LANCL3: variants seen among roughly 807,000 people sequenced by gnomAD.
LANCL3 encodes lanC-like protein 3.
Under a neutral mutation model 26.5 loss-of-function variants are expected in LANCL3, and 19 were observed. The ratio of observed to expected loss-of-function variants is 0.72; its 90% CI spans 0.50 to 1.05. The LOEUF (loss-of-function observed/expected upper bound fraction) is 1.05, where lower values mean the gene tolerates loss of function less well. Among genes scored for constraint, LANCL3 ranks in the 50% least tolerant of loss-of-function variants. The probability of loss-of-function intolerance (pLI) is 0.00; values close to 1 mark genes in which losing one functional copy is unlikely to be tolerated. For missense variants in LANCL3, 318 were observed against 362.7 expected, an observed-to-expected ratio of 0.88 and a Z score of 1.00; for synonymous variants, 160 against 166.6, an observed-to-expected ratio of 0.96 and a Z score of 0.30.
At chrX:37,575,600 G>T (rs193152662) in intron 1 of LANCL3, among the ~76,000 whole-genome samples, 21 of 112,164 alleles carry the variant, frequency 1.9e-4, no homozygotes, top group African/African-American at 6.5e-4. Flanking sequence ...ATGAATTATA[G>T]TTTCTTCCAA....
chrX:37,640,696 T>C, intron 1 of LANCL3, among the ~76,000 whole-genome samples: 1 of 111,895 alleles, frequency 8.9e-6, no homozygotes, highest in East Asian at 2.8e-4. Flanking sequence ...CAGTTGCTCA[T>C]CTCAGCCATT....
chrX:37,660,624 T>G (rs895503645), intron 3 of LANCL3, among the ~76,000 whole-genome samples: 2 of 111,649 alleles, frequency 1.8e-5, no homozygotes, highest in Admixed American at 1.9e-4. Flanking sequence ...TCTTAGATTC[T>G]GAGTCGATTT....
intron 1 of LANCL3, among the ~76,000 whole-genome samples, chrX:37,630,955 G>A (rs1212759767): frequency 9.0e-6 from 1 of 111,637 alleles, no homozygotes; most frequent in Non-Finnish European, 1.9e-5. Context: ...TCAGGATGAT[G>A]CTGGCCTCAT....
intron 1 of LANCL3, among the ~76,000 whole-genome samples, chrX:37,596,647 G>A (rs1924437649): frequency 8.9e-6 from 1 of 111,796 alleles, no homozygotes; most frequent in Admixed American, 9.5e-5. Flanking sequence ...GAATTCCTTT[G>A]TCTTTTGCTT....
chrX:37,636,242 G>C (rs1301864937), intron 1 of LANCL3, among the ~76,000 whole-genome samples: 2 of 111,743 alleles, frequency 1.8e-5, no homozygotes, highest in African/African-American at 6.5e-5. Context: ...GATTCCATGT[G>C]TTTGCTATTG....
At chrX:37,576,319 T>G (rs1409572601) in intron 1 of LANCL3, among the ~76,000 whole-genome samples, 1 of 111,747 alleles carries the variant, frequency 8.9e-6, no homozygotes, top group Non-Finnish European at 1.9e-5. Context: ...TTCCAAGGGT[T>G]TCTTAGGCAG....
At chrX:37,588,789 G>A (rs1556418502) in intron 1 of LANCL3, among the ~76,000 whole-genome samples, 1 of 112,304 alleles carries the variant, frequency 8.9e-6, no homozygotes, top group African/African-American at 3.2e-5. Flanking sequence ...GAGAGACAAA[G>A]TCTTACAGAC....
At chrX:37,634,665 A>G (rs978722190) in intron 1 of LANCL3, among the ~76,000 whole-genome samples, 1 of 112,565 alleles carries the variant, frequency 8.9e-6, no homozygotes, top group Non-Finnish European at 1.9e-5. Flanking sequence ...TATTGGGATT[A>G]TTGGAAAAAT....
intron 1 of LANCL3, among the ~76,000 whole-genome samples, chrX:37,639,826 G>GTTTGT (rs201512003): frequency 1.6e-4 from 18 of 109,900 alleles, no homozygotes; most frequent in South Asian, 1.5e-3. Context: ...ATCTCTGTTT[G>GTTTGT]TTTGTTTTGT....
chrX:37,644,676 G>A (rs2146769583), intron 1 of LANCL3, among the ~76,000 whole-genome samples: 1 of 112,203 alleles, frequency 8.9e-6, no homozygotes, highest in African/African-American at 3.2e-5. Context: ...CTATACTCGG[G>A]AGGTCTTTTC....
chrX:37,572,885 C>T (rs3126453), intron 1 of LANCL3, among the ~76,000 whole-genome samples: 1 of 111,969 alleles, frequency 8.9e-6, no homozygotes, highest in African/African-American at 3.3e-5. Flanking sequence ...GCTTCTGGAG[C>T]CCTGGGTCTG....
intron 1 of LANCL3, among the ~76,000 whole-genome samples, chrX:37,584,928 G>A (rs1324524318): frequency 3.6e-5 from 4 of 111,528 alleles, no homozygotes; most frequent in Non-Finnish European, 7.5e-5. Context: ...TCTCTTGTGG[G>A]CATTTAGTCC....
chrX:37,604,111 T>C (rs781978079), intron 1 of LANCL3, among the ~76,000 whole-genome samples: 1 of 112,720 alleles, frequency 8.9e-6, no homozygotes, highest in East Asian at 2.8e-4. Flanking sequence ...ATCTGCCCTT[T>C]GTTGTACTTG....
At chrX:37,618,568 T>C (rs1925071069) in intron 1 of LANCL3, among the ~76,000 whole-genome samples, 1 of 111,930 alleles carries the variant, frequency 8.9e-6, no homozygotes, top group Non-Finnish European at 1.9e-5. Flanking sequence ...GGGAATCTGT[T>C]TTATGCCCCT....
At chrX:37,659,777 G>A (rs1386009969) in intron 3 of LANCL3, 118 bp downstream of exon 3, 1 of 617,567 alleles carries the variant, frequency 1.6e-6, no homozygotes, top group Middle Eastern at 5.3e-4. Context: ...GAGATAAAAG[G>A]GTCAAGATGA....
chrX:37,626,706 A>C (rs936792099), intron 1 of LANCL3, among the ~76,000 whole-genome samples: 4 of 111,835 alleles, frequency 3.6e-5, no homozygotes, highest in Non-Finnish European at 7.5e-5. Flanking sequence ...AAGCAAATGC[A>C]GTAAACAATT....
At chrX:37,607,025 TA>T (rs2146732019) in intron 1 of LANCL3, among the ~76,000 whole-genome samples, 1 of 112,568 alleles carries the variant, frequency 8.9e-6, no homozygotes, top group Non-Finnish European at 1.9e-5. Flanking sequence ...CTGTGCTAAA[TA>T]AATGCAACAT....
chrX:37,615,687 ATTT>A (rs1556421626), intron 1 of LANCL3, among the ~76,000 whole-genome samples: 2 of 111,396 alleles, frequency 1.8e-5, no homozygotes, highest in African/African-American at 6.5e-5. Flanking sequence ...TCTTTACCAC[ATTT>A]TCTTCTCATA....
At chrX:37,638,317 T>G (rs1344760785) in intron 1 of LANCL3, among the ~76,000 whole-genome samples, 8 of 111,750 alleles carry the variant, frequency 7.2e-5, no homozygotes, top group South Asian at 3.8e-4. Context: ...TAAAGGCACC[T>G]GGTCAAAAGG....
Sources: allele counts gnomAD v4.1 joint callset (sites outside exome capture counted in the v4.1 genomes callset), GRCh38; gene constraint gnomAD v4.1.1; transcripts MANE v1.5; gene names NCBI Gene and HGNC (gene_info 2026-07-23, HGNC 2026-07-21).